The following SLC35F4 variants were observed in gnomAD, a reference collection of about 807,000 sequenced individuals.
The protein encoded by SLC35F4 is chromosome 14 open reading frame 36.
Under a neutral mutation model 44.2 loss-of-function variants are expected in SLC35F4, and 24 were observed. That is an observed-to-expected ratio of 0.54 (90% confidence interval 0.39 to 0.76). The LOEUF (loss-of-function observed/expected upper bound fraction) is 0.76, where lower values mean the gene tolerates loss of function less well. SLC35F4 is among the 30% of genes least tolerant of loss of function. The probability of loss-of-function intolerance (pLI) is 0.00; values close to 1 mark genes in which losing one functional copy is unlikely to be tolerated. For synonymous variants in SLC35F4, 238 were observed against 223.6 expected (o/e 1.06, Z -0.57); for missense variants, 562 against 586.1 (o/e 0.96, Z 0.42).
chr14:57,950,567 C>G lies in SLC35F4; in HGVS notation n.282+31346G>C, dbSNP rs115472484. ...TTGGCTTGGAGCCATTTCTGGGGAG[C>G]TAGGGTGATTGTTGGGGATGTTATA... On this transcript the variant is annotated intron_variant and non_coding_transcript_variant, in intron 1 of 1. Transcript: ENST00000556568. 6.6e-3 allele frequency among the ~76,000 whole-genome samples: 1,001 copies of G among 151,868 alleles called. 12 individuals are homozygous for G. The highest frequency in any genetic ancestry group is 0.023 in the African/African-American group (942 of 41,386).
At chr14:57,754,593 A>G (rs187848959) in intron 1 of SLC35F4, among the ~76,000 whole-genome samples, 256 of 152,264 alleles carry the variant, frequency 1.7e-3, no homozygotes, top group African/African-American at 5.9e-3. Context: ...TTATGAGTGC[A>G]TGACCCGTGC....
At chr14:57,912,784 T>C (rs972002340) in intron 1 of SLC35F4, among the ~76,000 whole-genome samples, 3 of 152,078 alleles carry the variant, frequency 2.0e-5, no homozygotes, top group Non-Finnish European at 2.9e-5. Flanking sequence ...TTATATCTAC[T>C]TGACTGATGG....
chr14:57,713,269 T>C (rs1330209361), intron 1 of SLC35F4, among the ~76,000 whole-genome samples: 1 of 152,174 alleles, frequency 6.6e-6, no homozygotes, highest in East Asian at 1.9e-4. Context: ...GACAGCATGA[T>C]CTTTCTAAAA....
At chr14:57,890,479 A>ATTATATCCCAG (rs1888737272) in intron 1 of SLC35F4, among the ~76,000 whole-genome samples, 1 of 152,208 alleles carries the variant, frequency 6.6e-6, no homozygotes, top group Non-Finnish European at 1.5e-5. Context: ...TGAAAGACAA[A>ATTATATCCCAG]TTATATCCCA....
intron 1 of SLC35F4, among the ~76,000 whole-genome samples, chr14:57,726,114 T>C (rs1273248059): frequency 2.0e-5 from 3 of 152,150 alleles, no homozygotes; most frequent in Non-Finnish European, 2.9e-5. Flanking sequence ...CTATCAAGAC[T>C]AAATCAGTCT....
chr14:57,699,300 C>G (rs920347680), intron 1 of SLC35F4, among the ~76,000 whole-genome samples: 1 of 152,076 alleles, frequency 6.6e-6, no homozygotes, highest in Non-Finnish European at 1.5e-5. Flanking sequence ...GTACTGAAAT[C>G]TTTAATGCCA....
At chr14:57,700,918 A>T (rs902983463) in intron 1 of SLC35F4, among the ~76,000 whole-genome samples, 3 of 151,648 alleles carry the variant, frequency 2.0e-5, no homozygotes, top group Non-Finnish European at 4.4e-5. Context: ...ACAAACAAAA[A>T]AGCCCCCCAA....
chr14:57,571,028 C>T (rs1227848553), intron 5 of SLC35F4, among the ~76,000 whole-genome samples: 6 of 152,118 alleles, frequency 3.9e-5, no homozygotes, highest in Non-Finnish European at 7.3e-5. Context: ...TGGAAATAGA[C>T]TTCATGCCCT....
intron 1 of SLC35F4, among the ~76,000 whole-genome samples, chr14:57,847,769 C>A (rs1886167858): frequency 6.6e-6 from 1 of 152,126 alleles, no homozygotes; most frequent in Non-Finnish European, 1.5e-5. Context: ...TCTAAAGTAG[C>A]TTCTCACTGA....
At chr14:57,731,395 A>C (rs762891603) in intron 1 of SLC35F4, among the ~76,000 whole-genome samples, 1 of 152,226 alleles carries the variant, frequency 6.6e-6, no homozygotes, top group Non-Finnish European at 1.5e-5. Context: ...CTTTTGTGGA[A>C]TCACCTCTCT....
chr14:57,733,001 G>A (rs1468368151), intron 1 of SLC35F4, among the ~76,000 whole-genome samples: 1 of 152,028 alleles, frequency 6.6e-6, no homozygotes, highest in Non-Finnish European at 1.5e-5. Flanking sequence ...TGACAGGAAG[G>A]GCAGTGATTC....
intron 1 of SLC35F4, among the ~76,000 whole-genome samples, chr14:57,754,658 C>T (rs1305277117): frequency 6.6e-6 from 1 of 152,200 alleles, no homozygotes; most frequent in Non-Finnish European, 1.5e-5. Flanking sequence ...TGCCTTTCAT[C>T]TTGTATCAGG....
intron 1 of SLC35F4, among the ~76,000 whole-genome samples, chr14:57,731,174 A>C (rs543170067): frequency 1.3e-5 from 2 of 152,298 alleles, no homozygotes; most frequent in South Asian, 4.1e-4. Flanking sequence ...AACCCACAGC[A>C]GAGCCCCGAT....
intron 2 of SLC35F4, among the ~76,000 whole-genome samples, chr14:57,592,500 A>G (rs937360542): frequency 2.6e-5 from 4 of 152,186 alleles, no homozygotes; most frequent in African/African-American, 4.8e-5. Flanking sequence ...TAATCTGTGT[A>G]TGATACATAG....
intron 1 of SLC35F4, among the ~76,000 whole-genome samples, chr14:57,658,955 G>A (rs554764328): frequency 1.4e-4 from 22 of 152,228 alleles, no homozygotes; most frequent in Admixed American, 9.8e-4. Context: ...GACCCAGAGA[G>A]AAAGAAGAGG....
At chr14:57,839,644 G>A (rs8006675) in intron 1 of SLC35F4, among the ~76,000 whole-genome samples, 67,066 of 151,890 alleles carry the variant, frequency 0.44, 18,288 homozygotes, top group African/African-American at 0.77. Context: ...TAGCTAATGG[G>A]GGCTAGGCTT....
upstream of SLC35F4, among the ~76,000 whole-genome samples, chr14:57,982,447 C>A (rs1029104530): frequency 1.3e-5 from 2 of 152,182 alleles, no homozygotes; most frequent in African/African-American, 4.8e-5. Context: ...TTCACAACTT[C>A]CCTGATGAAC....
At chr14:57,627,306 G>A (rs547251228) in intron 1 of SLC35F4, among the ~76,000 whole-genome samples, 5 of 152,046 alleles carry the variant, frequency 3.3e-5, no homozygotes, top group East Asian at 1.9e-4. Flanking sequence ...AAATGGGTTC[G>A]ATAAATATAT....
intron 1 of SLC35F4, among the ~76,000 whole-genome samples, chr14:57,905,895 G>C (rs1889095941): frequency 6.6e-6 from 1 of 152,154 alleles, no homozygotes; most frequent in African/African-American, 2.4e-5. Context: ...GGGCAGAAGG[G>C]AAAGCAAGTT....
Sources: allele counts gnomAD v4.1 joint callset (sites outside exome capture counted in the v4.1 genomes callset), GRCh38; gene constraint gnomAD v4.1.1; transcripts MANE v1.5; gene names NCBI Gene and HGNC (gene_info 2026-07-23, HGNC 2026-07-21).